The following ABCA2 variants were observed in gnomAD, a reference collection of about 807,000 sequenced individuals.
ABCA2 encodes ATP binding cassette subfamily A member 2, also known as ATP-binding cassette sub-family A member 2.
ABCA2 carries 84 observed loss-of-function variants against 262.8 expected under a neutral mutation model. The ratio of observed to expected loss-of-function variants is 0.32; its 90% confidence interval spans 0.27 to 0.38. ABCA2 has a LOEUF of 0.38. Ranked by LOEUF, ABCA2 falls within the 10% of genes least tolerant of loss-of-function variation. The probability of loss-of-function intolerance (pLI) is 1.00; values close to 1 mark genes in which losing one functional copy is unlikely to be tolerated. For synonymous variants in ABCA2, 1,696 were observed against 1,502.9 expected (o/e 1.13, Z -2.97); for missense variants, 2,662 against 3,405.9 (o/e 0.78, Z 5.44).
intron 46 of ABCA2, 32 bp from the exon 47 acceptor site, chr9:137,008,900 G>GCCCCCCCCCCCCCCGATCCCCCC: frequency 6.4e-7 from 1 of 1,555,282 alleles, no homozygotes; most frequent in Non-Finnish European, 8.7e-7. Flanking sequence ...GCCTGGCAGC[G>GCCCCCCCCCCCCCCGATCCCCCC]CCCCCCCACC....
chr9:137,008,444 T>A lies in ABCA2; in HGVS notation c.7247A>T (p.Glu2416Val). ...DEPEDLDTED[E>V]GLISFEEERA... ...CTCCTCCTCGAAGCTGATGAGGCCC[T>A]CGTCCTCCGTGTCCAGGTCCTCGGG... The change falls in exon 48 of 49, where the codon GAG (glutamate) becomes GTG (valine). Residue 2416 changes from glutamate to valine, a missense_variant. By Grantham distance (121) the Glu-to-Val change is moderately radical. This residue lies in a region of ABCA2 where 212 missense variants were observed against 214.4 expected (regional missense o/e 0.99). Transcript: ENST00000341511. 1 of 1,554,348 alleles carries A rather than the reference T, an allele frequency of 6.4e-7. No individual in the cohort carries two copies. Among genetic ancestry groups the A allele is most frequent in the Non-Finnish European group, 8.7e-7 (1 of 1,149,390 alleles).
intron 26 of ABCA2, 91 bp downstream of exon 26, chr9:137,014,599 C>T (rs1564218670): frequency 1.1e-5 from 17 of 1,517,178 alleles, no homozygotes; most frequent in Middle Eastern, 1.9e-4. Context: ...ACCAGGGTGG[C>T]GCCCCCAGAC....
intron 28 of ABCA2, 82 bp downstream of exon 28, chr9:137,013,750 G>C (rs1179412973): frequency 1.4e-6 from 2 of 1,473,580 alleles, no homozygotes; most frequent in African/African-American, 2.8e-5. Context: ...GAGTCAGGAA[G>C]CTCAGGAGTG....
At chr9:137,009,296 C>A in intron 45 of ABCA2, 74 bp downstream of exon 45, 1 of 1,364,830 alleles carries the variant, frequency 7.3e-7, no homozygotes, top group Non-Finnish European at 9.8e-7. Flanking sequence ...GCAGCCACCC[C>A]CACTCCTGGC....
Position 137,011,916 on chromosome 9 carries a change from C to G in ABCA2, c.5463G>C (p.Lys1821Asn). Reference protein sequence around the residue: ...VVFLVAEKSTKAKHLQFVSGC... With the variant: ...VVFLVAEKSTNAKHLQFVSGC... ...CGCTGACAAACTGCAGGTGCTTGGC[C>G]TTGGTGGACTTCTCGGCCACGAGGA... The change falls in exon 35 of 49, where the codon AAG becomes AAC. Residue 1821 changes from lysine to asparagine, a missense_variant. Lys to Asn is a moderately conservative substitution (Grantham distance 94). This residue lies in a region of ABCA2 where 602 missense variants were observed against 897.4 expected (regional missense o/e 0.67). Coordinates refer to ENST00000341511, the MANE Select transcript of ABCA2 (RefSeq NM_001606.5). This position sits in a 1 kb window ranked among gnomAD's most constrained non-coding sequence, Gnocchi z 8.8. 1 of 1,612,592 alleles carries G rather than the reference C, an allele frequency of 6.2e-7. No homozygotes were observed. The highest frequency in any genetic ancestry group is 1.7e-4 in the Middle Eastern group (1 of 6,058).
rs201649376 is a variant in ABCA2, at chr9:137,013,469, G to A, written c.4542C>T (p.Arg1514=). Residue 1514 remains arginine, a synonymous_variant, in exon 29 of 49, where the codon CGC becomes CGT. Coordinates refer to ENST00000341511, the MANE Select transcript of ABCA2 (RefSeq NM_001606.5). ...CCCGCTGGAGGCCTCACCGGTACTC[G>A]CGGCGCTCCTCGTTGGCGTAGGGGA... ...NFIPYANEER[R]EYRLRLSPDA... 1,751 of 1,605,688 alleles carry A rather than the reference G, an allele frequency of 1.1e-3. 5 individuals are homozygous for A. The highest frequency in any genetic ancestry group is 1.4e-3 in the Non-Finnish European group (1,625 of 1,177,806).
At chr9:137,009,483 G>A in intron 44 of ABCA2, 21 bp from the exon 45 acceptor site, 4 of 1,611,852 alleles carry the variant, frequency 2.5e-6, no homozygotes, top group Non-Finnish European at 3.4e-6. Flanking sequence ...TGCACAGGCT[G>A]GCACCGGAAG....
At chr9:137,009,946 G>GC in intron 42 of ABCA2, 37 bp downstream of exon 42, 2 of 1,597,456 alleles carry the variant, frequency 1.3e-6, no homozygotes, top group Non-Finnish European at 1.7e-6. Flanking sequence ...GGGCCACCCA[G>GC]CGTGCTGACT....
rs1291513036 is a variant in ABCA2 at position 137,012,836 on chromosome 9, G to A, written c.4957C>T (p.Pro1653Ser). ...CSAQGTGFSCPSSVGGHPPQM... is the reference protein window; with the variant it reads ...CSAQGTGFSCSSSVGGHPPQM... The stretch of plus-strand genomic sequence containing the variant: ...GGCGGGTGCCCGCCCACACTGCTGG[G>A]GCAGGAGAAGCCGGTGCCCTGCGCA... Residue 1653 changes from proline (P) to serine (S), a missense_variant, in exon 31 of 49, where the codon CCC becomes TCC. This residue lies in a region of ABCA2 where 602 missense variants were observed against 897.4 expected (regional missense o/e 0.67). Coordinates refer to ENST00000341511, the MANE Select transcript of ABCA2 (RefSeq NM_001606.5). 4 of 1,610,488 alleles carry A rather than the reference G, an allele frequency of 2.5e-6. No homozygotes were observed. The highest frequency in any genetic ancestry group is 3.4e-6 in the Non-Finnish European group (4 of 1,179,052).
In ABCA2 at chr9:137,015,663, C is replaced by T; in HGVS notation, c.3514+12G>A. 6.2e-7 allele frequency: 1 copy of T among 1,609,094 alleles called. No homozygotes were observed. The highest frequency in any genetic ancestry group is 1.1e-5 in the South Asian group (1 of 90,722). ...GCCGCCCGCACCCCTGCCCACACGG[C>T]ACCCCACTCACCTGGCTTGTACTTC... On this transcript the variant is annotated intron_variant, in intron 23 of 48. Coordinates refer to ENST00000341511, the MANE Select transcript of ABCA2 (RefSeq NM_001606.5).
In ABCA2 at chr9:137,011,589, GC is replaced by G. The variant is rs527806265; in HGVS notation, c.5652-36del. ...GGTGGCGGGCAGTGGTCACCAGGCA[GC>G]CCCGGTCCCACCTGAGGCCGCTCCC... On this transcript the variant is annotated intron_variant, in intron 36 of 48. Transcript: ENST00000341511. The surrounding 1 kb of genome is among the most constrained non-coding windows in gnomAD (Gnocchi z 8.8). 2.6e-5 allele frequency: 41 copies of G among 1,559,344 alleles called. No homozygotes were observed. In the African/African-American group the frequency reaches 4.6e-4, roughly 18 times the overall value.
chr9:137,020,448 C>A lies in ABCA2; in HGVS notation c.1313G>T (p.Gly438Val). Residue 438 changes from glycine to valine, a missense_variant, in exon 10 of 49, where the codon GGC (glycine) becomes GTC (valine). Around this residue, in one of 12 missense-constraint regions of ABCA2, gnomAD observed 92 missense variants for 146.7 expected, o/e 0.63. Transcript: ENST00000341511. ...GTTCCGCTGCTCCTTGCTCGTGAAG[C>A]CCAGGGAGCTCATGTTGCCCCGCCG... ...ALRRGNMSSLGFTSKEQRNLG... is the reference protein window; with the variant it reads ...ALRRGNMSSLVFTSKEQRNLG... The A allele has an allele frequency of 6.2e-7, 1 of 1,610,534 alleles. No individual in the cohort carries two copies.
chr9:137,022,457 G>C lies in ABCA2; in HGVS notation c.461C>G (p.Ser154Trp), dbSNP rs369460644. 4 of 1,611,680 alleles carry C rather than the reference G, an allele frequency of 2.5e-6. No individual in the cohort carries two copies. In the African/African-American group the frequency reaches 4.0e-5, roughly 16 times the overall value. The change falls in exon 6 of 49, where the codon TCG becomes TGG. Residue 154 changes from serine (S) to tryptophan (W), a missense_variant. Transcript: ENST00000341511. ...GAGCTCCTGCGGGTTTCTGGCCACC[G>C]AGTCCAGAGAGAAGGAAGACACTGG... ...RSTVSSFSLD[S>W]VARNPQELWR... is the part of the protein sequence containing the mutation.
At position 137,018,918 on chromosome 9, in the gene ABCA2, G is replaced by A. The variant is rs748958906; in HGVS notation, c.1707C>T (p.Ile569=). The A allele has an allele frequency of 6.2e-7, 1 of 1,612,554 alleles. No homozygotes were observed. The highest frequency in any genetic ancestry group is 1.1e-5 in the South Asian group (1 of 91,072). Residue 569 remains isoleucine, a synonymous_variant, in exon 12 of 49, where the codon ATC becomes ATT. Coordinates refer to ENST00000341511, the MANE Select transcript of ABCA2 (RefSeq NM_001606.5). ...DTIDNAACGW[I]QFMSKVSVDI... ...CACCGCTCACCTTGGACATGAACTGGATCCAGCCGCAGGCCGCGTTGTCAA... is the reference window on the plus strand; with the variant it reads ...CACCGCTCACCTTGGACATGAACTGAATCCAGCCGCAGGCCGCGTTGTCAA...
intron 6 of ABCA2, 35 bp from the exon 7 acceptor site, chr9:137,022,036 T>TGGCTCAGATGGGGTGTG (rs1564229614): frequency 1.4e-4 from 27 of 193,688 alleles, no homozygotes; most frequent in Middle Eastern, 2.5e-3. Flanking sequence ...AGATGGGGTG[T>TGGCTCAGATGGGGTGTG]GGGGGGCGTG....
chr9:137,025,363 C>T (rs1332378862), intron 1 of ABCA2, among the ~76,000 whole-genome samples: 1 of 152,240 alleles, frequency 6.6e-6, no homozygotes, highest in African/African-American at 2.4e-5. Context: ...ACCCACAGGA[C>T]AGAGGGGCCC....
intron 5 of ABCA2, 43 bp from the exon 6 acceptor site, chr9:137,022,521 G>C (rs758222947): frequency 6.3e-7 from 1 of 1,599,518 alleles, no homozygotes; most frequent in Non-Finnish European, 8.5e-7. Context: ...GCTGCACCTT[G>C]GCAAGGTGCC....
intron 3 of ABCA2, chr9:137,023,514 C>G (rs761165186): frequency 1.3e-6 from 1 of 747,236 alleles, no homozygotes; most frequent in Non-Finnish European, 2.5e-6. Flanking sequence ...CGCTCCAGCC[C>G]CAGCCCAGGC....
rs753104219 is a variant in ABCA2 at position 137,016,179 on chromosome 9, G to A, written c.3105-5C>T. On this transcript the variant is annotated splice_region_variant and splice_polypyrimidine_tract_variant and intron_variant, in intron 21 of 48. Coordinates refer to ENST00000341511, the MANE Select transcript of ABCA2 (RefSeq NM_001606.5). ...AACAGGCCGGTCAGGATGGACCTGG[G>A]TAGGTGGGCGGGGTCATGACCCCAC... 3.1e-6 allele frequency: 5 copies of A among 1,612,552 alleles called. No individual in the cohort carries two copies. Among genetic ancestry groups the A allele is most frequent in the Non-Finnish European group, 4.2e-6 (5 of 1,179,830 alleles).
Sources: allele counts gnomAD v4.1 joint callset (sites outside exome capture counted in the v4.1 genomes callset), GRCh38; gene constraint gnomAD v4.1.1; regional missense constraint gnomAD v4.1.1; non-coding constraint Gnocchi (gnomAD v3.1); transcripts MANE v1.5; gene names NCBI Gene and HGNC (gene_info 2026-07-23, HGNC 2026-07-21).